ZPLD1: variants seen among roughly 807,000 people sequenced by gnomAD.
The protein encoded by ZPLD1 is zona pellucida like domain containing 1.
Under a neutral mutation model 47.2 loss-of-function variants are expected in ZPLD1, and 34 were observed. That is an observed-to-expected ratio of 0.72 (90% CI 0.55 to 0.96). The LOEUF (loss-of-function observed/expected upper bound fraction) is 0.96, where lower values mean the gene tolerates loss of function less well. ZPLD1 is among the 40% of genes least tolerant of loss of function. ZPLD1 has a pLI of 0.00. For synonymous variants in ZPLD1, 176 were observed against 186.2 expected (o/e 0.95, Z 0.45); for missense variants, 512 against 505.8 (o/e 1.01, Z -0.12).
At chr3:102,475,979 AAG>A (rs1707752910) in intron 10 of ZPLD1, among the ~76,000 whole-genome samples, 1 of 152,146 alleles carries the variant, frequency 6.6e-6, no homozygotes, top group Admixed American at 6.5e-5. Context: ...ATTTTAGAAA[AAG>A]GCCTCTGAAA....
chr3:102,456,384 C>A lies in ZPLD1; in HGVS notation c.509+10C>A, dbSNP rs757890744. Reference sequence around the variant, plus strand: ...ATACCCAGCTTGCTTCGTAAGTTTGCATTTTATTCCTGCTTTCTCATATTG... The same window carrying A: ...ATACCCAGCTTGCTTCGTAAGTTTGAATTTTATTCCTGCTTTCTCATATTG... On this transcript the variant is annotated intron_variant, in intron 5 of 11. Coordinates refer to ENST00000466937, the MANE Select transcript of ZPLD1 (RefSeq NM_001329788.2). 3.1e-6 allele frequency: 5 copies of A among 1,607,040 alleles called. No individual in the cohort carries two copies. In the African/African-American group the frequency reaches 5.4e-5, roughly 17 times the overall value.
intron 6 of ZPLD1, among the ~76,000 whole-genome samples, chr3:102,390,268 A>G (rs1706480628): frequency 6.6e-6 from 1 of 152,158 alleles, no homozygotes; most frequent in Admixed American, 6.5e-5. Context: ...AACTAACTTC[A>G]AAGCAGCTTC....
chr3:102,477,070 T>C, intron 11 of ZPLD1, 29 bp downstream of exon 11: 1 of 1,612,172 alleles, frequency 6.2e-7, no homozygotes, highest in Non-Finnish European at 8.5e-7. Context: ...TTTGCAATGT[T>C]TTTTACATTT....
chr3:102,475,129 C>T (rs1342342964), intron 10 of ZPLD1, among the ~76,000 whole-genome samples: 1 of 152,034 alleles, frequency 6.6e-6, no homozygotes, highest in Non-Finnish European at 1.5e-5. Context: ...TCGATTTCAA[C>T]CACCTGCCAA....
At chr3:102,433,485 C>G (rs1707042226), upstream of ZPLD1, among the ~76,000 whole-genome samples, 1 of 152,148 alleles carries the variant, frequency 6.6e-6, no homozygotes, top group African/African-American at 2.4e-5. Context: ...GCTCTTAAAA[C>G]TTATAAGTAT....
At chr3:102,442,319 AACACACACACACACACACACACACAC>A (rs34634788) in intron 3 of ZPLD1, among the ~76,000 whole-genome samples, 4 of 139,948 alleles carry the variant, frequency 2.9e-5, no homozygotes, top group Admixed American at 2.2e-4. Context: ...TACACCCATA[AACACACACACACACACACACACACAC>A]ACACACACAC....
At chr3:102,439,379 T>C (rs907760135) in intron 3 of ZPLD1, among the ~76,000 whole-genome samples, 2 of 152,184 alleles carry the variant, frequency 1.3e-5, no homozygotes, top group Non-Finnish European at 2.9e-5. Context: ...GGTAGTTACA[T>C]AGATAAAGTG....
At position 102,457,866 on chromosome 3, in the gene ZPLD1, G is replaced by A. The variant is rs557238343; in HGVS notation, c.582+13G>A. 3 of 1,613,076 alleles carry A rather than the reference G, an allele frequency of 1.9e-6. No homozygotes were observed. In the South Asian group the frequency reaches 3.3e-5, roughly 18 times the overall value. Reference sequence around the variant, plus strand: ...GCTCCTTTATAACGTAAGTTGATGGGTGAAGGATGTTATTTTCTCTTTCAC... The same window carrying A: ...GCTCCTTTATAACGTAAGTTGATGGATGAAGGATGTTATTTTCTCTTTCAC... On this transcript the variant is annotated intron_variant, in intron 6 of 11. Coordinates refer to ENST00000466937, the MANE Select transcript of ZPLD1 (RefSeq NM_001329788.2).
rs555135643 is a variant in ZPLD1 at position 102,461,425 on chromosome 3, A to T, written c.583-856A>T. ...GATGCTTTAATCTACTGTGGATTTG[A>T]GAATGATACAAATAAGCTCTCTAGA... On this transcript the variant is annotated intron_variant, in intron 6 of 11. Transcript: ENST00000466937. Among the ~76,000 whole-genome samples, 215 of 152,076 alleles carry T rather than the reference A, an allele frequency of 1.4e-3. 5 individuals are homozygous for T. The highest frequency in any genetic ancestry group is 1.5e-3 in the Non-Finnish European group (100 of 67,848).
intron 6 of ZPLD1, among the ~76,000 whole-genome samples, chr3:102,392,011 C>A (rs1706501571): frequency 6.6e-6 from 1 of 152,130 alleles, no homozygotes; most frequent in African/African-American, 2.4e-5. Context: ...ACCAACCAAC[C>A]AACAAACCAA....
chr3:102,389,972 A>G (rs915263045), intron 6 of ZPLD1, among the ~76,000 whole-genome samples: 14 of 152,202 alleles, frequency 9.2e-5, no homozygotes, highest in Non-Finnish European at 2.1e-4. Context: ...TTGAAAAAAT[A>G]TAAGTGTATT....
At chr3:102,436,487 A>T (rs1332814128) in intron 1 of ZPLD1, among the ~76,000 whole-genome samples, 4 of 152,246 alleles carry the variant, frequency 2.6e-5, no homozygotes, top group Admixed American at 6.5e-5. Context: ...AAAACAGCTG[A>T]TGATAAATGG....
chr3:102,415,745 AG>A (rs1158315346), intron 7 of ZPLD1, among the ~76,000 whole-genome samples: 11 of 151,862 alleles, frequency 7.2e-5, no homozygotes, highest in Admixed American at 7.2e-4. Flanking sequence ...TGTGACAAGG[AG>A]GGCTTTTTAC....
At chr3:102,468,032 A>C (rs529386546) in intron 8 of ZPLD1, among the ~76,000 whole-genome samples, 1 of 152,174 alleles carries the variant, frequency 6.6e-6, no homozygotes, top group Non-Finnish European at 1.5e-5. Flanking sequence ...CCATTTTCAG[A>C]TAAAGAAATG....
chr3:102,451,109 A>G (rs1480952833), intron 3 of ZPLD1, among the ~76,000 whole-genome samples: 2 of 152,184 alleles, frequency 1.3e-5, no homozygotes, highest in Non-Finnish European at 2.9e-5. Context: ...ATGAGTTTAA[A>G]CTTATTACAA....
At chr3:102,427,087 G>A (rs759252128) in intron 8 of ZPLD1, among the ~76,000 whole-genome samples, 18 of 152,086 alleles carry the variant, frequency 1.2e-4, no homozygotes, top group Admixed American at 6.6e-5. Flanking sequence ...AATCATGAAC[G>A]TTAACGAGAA....
chr3:102,389,872 A>G (rs1706475767), intron 6 of ZPLD1, among the ~76,000 whole-genome samples: 1 of 152,190 alleles, frequency 6.6e-6, no homozygotes, highest in Non-Finnish European at 1.5e-5. Context: ...CCTGAGTGTC[A>G]TGGTTTTCTG....
chr3:102,405,688 C>T (rs1203797360), intron 7 of ZPLD1, among the ~76,000 whole-genome samples: 1 of 152,008 alleles, frequency 6.6e-6, no homozygotes, highest in Non-Finnish European at 1.5e-5. Flanking sequence ...TCAGCTATAA[C>T]CAGATAGACC....
chr3:102,466,850 G>A (rs1707600803), intron 8 of ZPLD1, among the ~76,000 whole-genome samples: 2 of 152,066 alleles, frequency 1.3e-5, no homozygotes, highest in Non-Finnish European at 2.9e-5. Context: ...TTCGATATAT[G>A]TATAATATGC....
Sources: allele counts gnomAD v4.1 joint callset (sites outside exome capture counted in the v4.1 genomes callset), GRCh38; gene constraint gnomAD v4.1.1; transcripts MANE v1.5; gene names NCBI Gene and HGNC (gene_info 2026-07-23, HGNC 2026-07-21).